TTL: variants seen among roughly 807,000 people sequenced by gnomAD.
TTL encodes tubulin--tyrosine ligase.
In TTL, 10 loss-of-function variants were observed where a neutral mutation model predicts 41.1. The observed-to-expected ratio is 0.24, with a 90% CI of 0.15 to 0.41. The LOEUF is 0.41. Ranked by LOEUF, TTL falls within the 10% of genes least tolerant of loss-of-function variation. TTL has a pLI of 1.00. For synonymous variants in TTL, 175 were observed against 175.5 expected, an observed-to-expected ratio of 1.00 and a Z score of 0.02; for missense variants, 367 against 460.4, an observed-to-expected ratio of 0.80 and a Z score of 1.86.
chr2:112,494,582 C>T (rs967222002), intron 3 of TTL, among the ~76,000 whole-genome samples: 1 of 152,056 alleles, frequency 6.6e-6, no homozygotes, highest in Admixed American at 6.6e-5. Context: ...CCATTGACAC[C>T]CTCACCATCT....
chr2:112,495,185 G>A (rs928875842), intron 3 of TTL, among the ~76,000 whole-genome samples: 19 of 152,164 alleles, frequency 1.2e-4, no homozygotes, highest in Non-Finnish European at 2.4e-4. Flanking sequence ...TACATGGATT[G>A]TTTTGTTTCT....
chr2:112,511,851 G>A (rs1202850792), intron 5 of TTL, among the ~76,000 whole-genome samples: 5 of 151,812 alleles, frequency 3.3e-5, no homozygotes, highest in African/African-American at 9.7e-5. Flanking sequence ...GATTACAGGC[G>A]TGAGCCACCA....
chr2:112,521,597 T>TA (rs1314280348), intron 6 of TTL, among the ~76,000 whole-genome samples: 3 of 152,362 alleles, frequency 2.0e-5, no homozygotes, highest in South Asian at 4.1e-4. Context: ...GCCTGATGGT[T>TA]ACGACAGGCA....
intron 3 of TTL, among the ~76,000 whole-genome samples, chr2:112,496,659 ATGTGTCTGTGTG>A (rs1357905042): frequency 8.2e-6 from 1 of 121,394 alleles, no homozygotes; most frequent in African/African-American, 3.1e-5. Flanking sequence ...TTATATATAT[ATGTGTCTGTGTG>A]TGTGTGTGTG....
At chr2:112,497,900 TATA>T (rs1278259059) in intron 3 of TTL, among the ~76,000 whole-genome samples, 1 of 152,210 alleles carries the variant, frequency 6.6e-6, no homozygotes, top group African/African-American at 2.4e-5. Context: ...TTAAAATGGT[TATA>T]ATAAGAAGTG....
intron 3 of TTL, among the ~76,000 whole-genome samples, chr2:112,496,665 CTGTG>C (rs10635241): frequency 0.038 from 4,058 of 106,002 alleles, 87 homozygotes; most frequent in South Asian, 0.084. Flanking sequence ...ATATATGTGT[CTGTG>C]TGTGTGTGTG....
intron 2 of TTL, among the ~76,000 whole-genome samples, chr2:112,492,957 A>G (rs1168937091): frequency 1.3e-5 from 2 of 152,214 alleles, no homozygotes; most frequent in Admixed American, 6.5e-5. Context: ...CACACTGACT[A>G]CATTTCAAAT....
At chr2:112,521,133 G>C in intron 6 of TTL, 7 of 975,990 alleles carry the variant, frequency 7.2e-6, no homozygotes, top group Non-Finnish European at 8.5e-6. Flanking sequence ...CAAGAAAAGA[G>C]GGTTCCGCTG....
chr2:112,500,459 T>C lies in TTL; in HGVS notation c.470-747T>C, dbSNP rs1448204595. Among the ~76,000 whole-genome samples, 5 of 152,036 alleles carry C rather than the reference T, an allele frequency of 3.3e-5. No homozygotes were observed. The East Asian group carries it at 5.8e-4, about 18-fold the overall frequency. ...GGTGGTGCACGCCTGTAATCCCAGCTACTTGGGAGGCTGAGGCAGGAGAAT... is the reference window on the plus strand; with the variant it reads ...GGTGGTGCACGCCTGTAATCCCAGCCACTTGGGAGGCTGAGGCAGGAGAAT... On this transcript the variant is annotated intron_variant, in intron 3 of 6. Transcript: ENST00000233336.
At chr2:112,509,571 C>T (rs1024352116) in intron 5 of TTL, among the ~76,000 whole-genome samples, 2 of 152,076 alleles carry the variant, frequency 1.3e-5, no homozygotes, top group African/African-American at 4.8e-5. Flanking sequence ...GGGAGTGACC[C>T]GATTTTCCAG....
At position 112,485,408 on chromosome 2, in the gene TTL, A is replaced by G. The variant is rs896654816; in HGVS notation, c.158-509A>G. Among the ~76,000 whole-genome samples the G allele has an allele frequency of 3.9e-5, 6 of 152,316 alleles. No individual in the cohort carries two copies. The South Asian group carries it at 1.2e-3, about 32-fold the overall frequency. On this transcript the variant is annotated intron_variant, in intron 1 of 6. Coordinates refer to ENST00000233336, the MANE Select transcript of TTL (RefSeq NM_153712.5). ...TCTCAGGGCTTCTGATTTTGTAGAC[A>G]TGGCCTCTCCACTACCTTCCTTCAC... is the stretch of plus-strand genomic sequence containing the variant.
chr2:112,485,057 C>T (rs1023854362), intron 1 of TTL, among the ~76,000 whole-genome samples: 2 of 152,144 alleles, frequency 1.3e-5, no homozygotes, highest in African/African-American at 4.8e-5. Context: ...TCAAGTGATT[C>T]TCATGCCTCA....
At chr2:112,521,369 T>C (rs1682222025) in intron 6 of TTL, 1 of 985,180 alleles carries the variant, frequency 1.0e-6, no homozygotes, top group Non-Finnish European at 1.2e-6. Context: ...GTGGAAGGCC[T>C]TACGTGTCAG....
rs1681742617 is a variant in TTL at position 112,503,004 on chromosome 2, T to A, written c.698T>A (p.Phe233Tyr). 6.2e-7 allele frequency: 1 copy of A among 1,613,954 alleles called. No homozygotes were observed. The highest frequency in any genetic ancestry group is 1.3e-5 in the African/African-American group (1 of 74,888). The change falls in exon 5 of 7, where the codon TTC (phenylalanine) becomes TAC (tyrosine). Residue 233 changes from phenylalanine (F) to tyrosine (Y), a missense_variant. Coordinates refer to ENST00000233336, the MANE Select transcript of TTL (RefSeq NM_153712.5). ...TCAGAACCATATCATGTTGATAATTTCCAAGACAAAACCTGCCATTTGACC... is the reference window on the plus strand; with the variant it reads ...TCAGAACCATATCATGTTGATAATTACCAAGACAAAACCTGCCATTTGACC... ...TASEPYHVDN[F>Y]QDKTCHLTNH... is the part of the protein sequence containing the mutation.
intron 6 of TTL, among the ~76,000 whole-genome samples, chr2:112,525,675 G>A (rs1390903106): frequency 6.6e-6 from 1 of 152,188 alleles, no homozygotes; most frequent in African/African-American, 2.4e-5. Flanking sequence ...ATCAGCTTAA[G>A]GAGATTTTGG....
At chr2:112,484,234 GT>G (rs35137372) in intron 1 of TTL, among the ~76,000 whole-genome samples, 16,120 of 134,846 alleles carry the variant, frequency 0.12, 1,111 homozygotes, top group Non-Finnish European at 0.17. Context: ...GTTTGTATGT[GT>G]TTTTTTTTTT....
At chr2:112,526,072 A>G (rs1682365255) in intron 6 of TTL, among the ~76,000 whole-genome samples, 2 of 152,208 alleles carry the variant, frequency 1.3e-5, no homozygotes, top group South Asian at 4.1e-4. Context: ...GGTTCTGTTT[A>G]TATGATGGAT....
intron 3 of TTL, among the ~76,000 whole-genome samples, chr2:112,494,626 C>T (rs1314984295): frequency 2.6e-5 from 4 of 152,130 alleles, no homozygotes; most frequent in Admixed American, 1.3e-4. Context: ...ACATCTGATA[C>T]AGAACTTTTC....
chr2:112,482,378 A>G lies in TTL; in HGVS notation c.34A>G (p.Ser12Gly). The change falls in exon 1 of 7, where the codon AGC becomes GGC. Residue 12 changes from serine (S) to glycine (G), a missense_variant. Transcript: ENST00000233336. The surrounding 1 kb of genome is among the most constrained non-coding windows in gnomAD (Gnocchi z 5.3). ...CTTCGTGGTACGCGATGAGAACAGC[A>G]GCGTCTACGCCGAGGTCTCCCGGCT... Reference protein sequence around the residue: ...YTFVVRDENSSVYAEVSRLLL... With the variant: ...YTFVVRDENSGVYAEVSRLLL... 6.3e-7 allele frequency: 1 copy of G among 1,584,876 alleles called. No homozygotes were observed. The highest frequency in any genetic ancestry group is 8.6e-7 in the Non-Finnish European group (1 of 1,166,528).
Sources: gnomAD v4.1 joint callset for allele counts (sites outside exome capture counted in the v4.1 genomes callset) on GRCh38, gnomAD v4.1.1 for gene constraint, Gnocchi (gnomAD v3.1) non-coding constraint, MANE v1.5 for transcripts, NCBI Gene and HGNC (gene_info 2026-07-23, HGNC 2026-07-21) for gene names.